CD82: variants seen among roughly 807,000 people sequenced by gnomAD.
CD82 encodes the protein CD82 antigen.
Under a neutral mutation model 37.4 loss-of-function variants are expected in CD82, and 36 were observed. The ratio of observed to expected loss-of-function variants is 0.96; its 90% CI spans 0.74 to 1.27. The LOEUF is 1.27. Among genes scored for constraint, CD82 ranks in the 50% most tolerant of loss-of-function variants. The probability of loss-of-function intolerance (pLI) is 0.00; values close to 1 mark genes in which losing one functional copy is unlikely to be tolerated. For missense variants in CD82, 340 were observed against 347.0 expected (o/e 0.98, Z 0.16); for synonymous variants, 158 against 137.4 (o/e 1.15, Z -1.05).
intron 3 of CD82, among the ~76,000 whole-genome samples, chr11:44,599,159 G>C (rs893176947): frequency 6.6e-6 from 1 of 152,028 alleles, no homozygotes; most frequent in South Asian, 2.1e-4. Context: ...TCCTTTTTGT[G>C]GGGGGCAGAG....
intron 6 of CD82, among the ~76,000 whole-genome samples, chr11:44,613,933 A>G (rs1239813864): frequency 6.6e-6 from 1 of 152,008 alleles, no homozygotes. Flanking sequence ...GCTGGCTGGC[A>G]CTGCTGGCTT....
At chr11:44,575,726 G>T (rs1260393151) in intron 1 of CD82, among the ~76,000 whole-genome samples, 1 of 152,062 alleles carries the variant, frequency 6.6e-6, no homozygotes, top group Non-Finnish European at 1.5e-5. Flanking sequence ...CATCTTGTGA[G>T]GCCTGAACTC....
At chr11:44,584,147 A>G (rs1415188480) in intron 1 of CD82, among the ~76,000 whole-genome samples, 1 of 152,160 alleles carries the variant, frequency 6.6e-6, no homozygotes, top group Admixed American at 6.5e-5. Flanking sequence ...TGCTCCTCCA[A>G]CAATCCCATG....
intron 1 of CD82, among the ~76,000 whole-genome samples, chr11:44,574,323 G>A (rs1253149110): frequency 1.3e-5 from 2 of 152,134 alleles, no homozygotes; most frequent in Non-Finnish European, 2.9e-5. Flanking sequence ...TCAAGGCTTG[G>A]AAAGCTCATG....
intron 3 of CD82, among the ~76,000 whole-genome samples, chr11:44,598,891 G>A (rs531244773): frequency 6.6e-6 from 1 of 152,318 alleles, no homozygotes; most frequent in African/African-American, 2.4e-5. Flanking sequence ...TTCAAGACGG[G>A]TCATCCACCA....
intron 1 of CD82, among the ~76,000 whole-genome samples, chr11:44,566,809 G>A (rs959401132): frequency 4.6e-5 from 7 of 151,790 alleles, no homozygotes; most frequent in African/African-American, 1.5e-4. Context: ...TTTTTTCTTG[G>A]AGAGATGGGG....
At chr11:44,575,138 C>T (rs1404684964) in intron 1 of CD82, among the ~76,000 whole-genome samples, 1 of 152,116 alleles carries the variant, frequency 6.6e-6, no homozygotes, top group African/African-American at 2.4e-5. Flanking sequence ...GTCCCTGGTG[C>T]TAGTTGGCCT....
At chr11:44,617,609 C>A (rs1034458766) in intron 7 of CD82, among the ~76,000 whole-genome samples, 2 of 148,760 alleles carry the variant, frequency 1.3e-5, no homozygotes, top group African/African-American at 5.0e-5. Flanking sequence ...TCTCCTTTTT[C>A]ACTTTTCACT....
chr11:44,580,410 C>T (rs77333613), intron 1 of CD82, among the ~76,000 whole-genome samples: 2 of 152,230 alleles, frequency 1.3e-5, no homozygotes, highest in East Asian at 1.9e-4. Flanking sequence ...AACTGAGGCT[C>T]GGAAAAGTTA....
At chr11:44,565,042 G>A (rs921643812), upstream of CD82, among the ~76,000 whole-genome samples, 1 of 152,240 alleles carries the variant, frequency 6.6e-6, no homozygotes, top group African/African-American at 2.4e-5. Context: ...GCCGCCTCCT[G>A]ATAGAGGCCC....
intron 8 of CD82, 63 bp from the exon 9 acceptor site, chr11:44,618,577 G>T (rs978794503): frequency 2.7e-5 from 39 of 1,418,188 alleles, no homozygotes; most frequent in Middle Eastern, 1.8e-4. Context: ...GCTCTCGGTG[G>T]TTCTGCATGG....
chr11:44,595,485 G>A (rs1051824036), intron 3 of CD82, among the ~76,000 whole-genome samples: 42 of 114,070 alleles, frequency 3.7e-4, no homozygotes, highest in African/African-American at 1.2e-3. Flanking sequence ...CTGTGTTGAC[G>A]GTTTAACCCT....
intron 1 of CD82, chr11:44,566,466 C>G (rs897554156): frequency 1.3e-5 from 2 of 152,288 alleles, no homozygotes; most frequent in African/African-American, 4.8e-5. Flanking sequence ...GAAGCATACC[C>G]GGGGTTAATT....
At chr11:44,595,955 C>T (rs544289624) in intron 3 of CD82, among the ~76,000 whole-genome samples, 201 of 150,334 alleles carry the variant, frequency 1.3e-3, no homozygotes, top group Middle Eastern at 6.9e-3. Context: ...TCCCCCTTCA[C>T]AGCTTTAACC....
intron 4 of CD82, among the ~76,000 whole-genome samples, chr11:44,601,891 A>G (rs1205236926): frequency 6.6e-6 from 1 of 152,124 alleles, no homozygotes; most frequent in Non-Finnish European, 1.5e-5. Flanking sequence ...GTCACTAGGC[A>G]CTTGTGTAAA....
chr11:44,578,858 A>G (rs1560297), intron 1 of CD82, among the ~76,000 whole-genome samples: 152,258 of 152,328 alleles, frequency 1, 76,094 homozygotes, highest in Non-Finnish European at 1. Context: ...GAGGTTTGGG[A>G]AAGGGGAGTG....
intron 1 of CD82, among the ~76,000 whole-genome samples, chr11:44,580,980 TC>T (rs1852971163): frequency 6.6e-6 from 1 of 151,682 alleles, no homozygotes. Flanking sequence ...CTGATTAGAG[TC>T]CCCCTCCCTC....
intron 7 of CD82, among the ~76,000 whole-genome samples, chr11:44,617,787 C>G (rs1037527559): frequency 2.0e-5 from 3 of 152,044 alleles, no homozygotes; most frequent in Non-Finnish European, 2.9e-5. Flanking sequence ...TTTAATTATC[C>G]CCATTTACAG....
chr11:44,589,895 G>A (rs1159861802), intron 2 of CD82, among the ~76,000 whole-genome samples: 1 of 151,782 alleles, frequency 6.6e-6, no homozygotes, highest in South Asian at 2.1e-4. Flanking sequence ...GTGCAGTGGC[G>A]CGATCTCGGC....
Sources: allele counts gnomAD v4.1 joint callset (sites outside exome capture counted in the v4.1 genomes callset), GRCh38; gene constraint gnomAD v4.1.1; transcripts MANE v1.5; gene names NCBI Gene and HGNC (gene_info 2026-07-23, HGNC 2026-07-21).